CHD6: variants seen among roughly 807,000 people sequenced by gnomAD.
CHD6 encodes the protein chromodomain helicase DNA binding protein 6.
Under a neutral mutation model 276.9 loss-of-function variants are expected in CHD6, and 50 were observed. The observed-to-expected ratio is 0.18, with a 90% CI of 0.14 to 0.23. The LOEUF is 0.23. Among genes scored for constraint, CHD6 ranks in the 10% least tolerant of loss-of-function variants. The pLI, the probability that CHD6 is intolerant of heterozygous loss-of-function variation, is 1.00. For synonymous variants in CHD6, 1,173 were observed against 1,229.3 expected, an observed-to-expected ratio of 0.95 and a Z score of 0.96; for missense variants, 2,564 against 3,365.8, an observed-to-expected ratio of 0.76 and a Z score of 5.89.
rs902912218 is a variant in CHD6 at position 41,421,363 on chromosome 20, G to A, written c.5272C>T (p.Pro1758Ser). The change falls in exon 31 of 37, where the codon CCT becomes TCT. Residue 1758 changes from proline (P) to serine (S), a missense_variant. Pro to Ser is a moderately conservative substitution (Grantham distance 74). Around this residue, in one of 7 missense-constraint regions of CHD6, gnomAD observed 1,024 missense variants for 1,047.9 expected, o/e 0.98. Transcript: ENST00000373233. ...GCTTCTAAGCTACCCATAAAAGTAG[G>A]GCCAGAAGCTATTTCTGCCTCAGGG... ...GGPEAEIASGPTFMGSLEAGG... is the reference protein window; with the variant it reads ...GGPEAEIASGSTFMGSLEAGG... The A allele has an allele frequency of 6.2e-7, 1 of 1,613,898 alleles. No individual in the cohort carries two copies. The highest frequency in any genetic ancestry group is 1.3e-5 in the African/African-American group (1 of 75,010).
chr20:41,427,229 G>T (rs1184026697), intron 27 of CHD6, among the ~76,000 whole-genome samples: 1 of 151,520 alleles, frequency 6.6e-6, no homozygotes, highest in Non-Finnish European at 1.5e-5. Context: ...GGTAGGAAAG[G>T]AGACACCCAT....
At chr20:41,425,557 G>A (rs896383731) in intron 28 of CHD6, among the ~76,000 whole-genome samples, 163 bp from the exon 29 acceptor site, 3 of 152,206 alleles carry the variant, frequency 2.0e-5, no homozygotes, top group African/African-American at 4.8e-5. Flanking sequence ...TGGAAGGGCT[G>A]CAATTTTGCC....
intron 30 of CHD6, among the ~76,000 whole-genome samples, chr20:41,422,825 C>T (rs947253902): frequency 7.9e-5 from 12 of 152,230 alleles, no homozygotes; most frequent in African/African-American, 2.9e-4. Context: ...TGGATGACAA[C>T]ACTTTAGCCC....
intron 34 of CHD6, 141 bp downstream of exon 34, chr20:41,415,045 C>T: frequency 6.8e-7 from 1 of 1,459,894 alleles, no homozygotes; most frequent in Non-Finnish European, 9.1e-7. Flanking sequence ...AGATGGAGGG[C>T]ATCTTATAAT....
intron 1 of CHD6, among the ~76,000 whole-genome samples, chr20:41,567,100 G>A (rs1176045577): frequency 6.6e-6 from 1 of 152,138 alleles, no homozygotes; most frequent in Non-Finnish European, 1.5e-5. Context: ...GTTGGATGTT[G>A]TCATCTCTTC....
At position 41,520,630 on chromosome 20, in the gene CHD6, T is replaced by G. The variant is rs999637547; in HGVS notation, c.555-5678A>C. 1.2e-3 allele frequency among the ~76,000 whole-genome samples: 145 copies of G among 121,322 alleles called. 1 individual carries two copies. Among genetic ancestry groups the G allele is most frequent in the South Asian group, 8.3e-4 (3 of 3,608 alleles). The allele number at this position is 121,322 out of a possible 152,430, so 79.6% of individuals were successfully genotyped here. On this transcript the variant is annotated intron_variant, in intron 3 of 36. Coordinates refer to ENST00000373233, the MANE Select transcript of CHD6 (RefSeq NM_032221.5). ...GTGGGAACTGAACAATGAGAACACA[T>G]GGACACAGGAAGGGGAACATCACAC...
At chr20:41,490,161 G>A (rs976326315) in intron 11 of CHD6, 140 bp from the exon 12 acceptor site, 69 of 766,034 alleles carry the variant, frequency 9.0e-5, no homozygotes, top group Middle Eastern at 3.9e-4. Flanking sequence ...TTAAACTGAG[G>A]TTAGTTATTA....
At chr20:41,506,883 A>C (rs914296809) in intron 5 of CHD6, among the ~76,000 whole-genome samples, 3 of 152,252 alleles carry the variant, frequency 2.0e-5, no homozygotes, top group African/African-American at 7.2e-5. Context: ...ACTTCTGAAT[A>C]AATAATGTTA....
chr20:41,554,890 G>A (rs2045199301), intron 1 of CHD6, among the ~76,000 whole-genome samples: 2 of 152,196 alleles, frequency 1.3e-5, no homozygotes, highest in African/African-American at 4.8e-5. Context: ...TCAATGAGCT[G>A]TTGGGTACAC....
intron 2 of CHD6, among the ~76,000 whole-genome samples, 195 bp downstream of exon 2, chr20:41,551,110 C>T (rs894721999): frequency 1.3e-5 from 2 of 152,234 alleles, no homozygotes; most frequent in Non-Finnish European, 1.5e-5. Flanking sequence ...TTTACTCCTA[C>T]GTGAAGATGA....
intron 36 of CHD6, among the ~76,000 whole-genome samples, chr20:41,406,056 C>T (rs542606150): frequency 1.3e-5 from 2 of 152,118 alleles, no homozygotes; most frequent in African/African-American, 2.4e-5. Flanking sequence ...TTTAGAGTCA[C>T]GGAAAGTGAC....
chr20:41,467,415 G>T lies in CHD6; in HGVS notation c.2664+5907C>A, dbSNP rs866353320. Among the ~76,000 whole-genome samples the T allele has an allele frequency of 2.6e-5, 4 of 151,990 alleles. No individual in the cohort carries two copies. In the South Asian group the frequency reaches 8.3e-4, roughly 32 times the overall value. On this transcript the variant is annotated intron_variant, in intron 17 of 36. Coordinates refer to ENST00000373233, the MANE Select transcript of CHD6 (RefSeq NM_032221.5). ...ACCTTTGGAGTAAAACACAACTAGGGGGCAGTGGTGCTATAATCCCCCAGC... is the reference window on the plus strand; with the variant it reads ...ACCTTTGGAGTAAAACACAACTAGGTGGCAGTGGTGCTATAATCCCCCAGC...
intron 3 of CHD6, among the ~76,000 whole-genome samples, chr20:41,523,997 C>T (rs1424646649): frequency 6.6e-6 from 1 of 152,182 alleles, no homozygotes; most frequent in Non-Finnish European, 1.5e-5. Flanking sequence ...GTTACTACTA[C>T]AGCCACCGAA....
intron 1 of CHD6, among the ~76,000 whole-genome samples, chr20:41,605,281 G>A (rs569812974): frequency 3.3e-4 from 51 of 152,288 alleles, no homozygotes; most frequent in African/African-American, 1.2e-3. Context: ...TTTCAAGATA[G>A]AAAGGACTAT....
intron 15 of CHD6, among the ~76,000 whole-genome samples, chr20:41,483,977 C>CATT (rs2043354561): frequency 6.6e-6 from 1 of 152,226 alleles, no homozygotes; most frequent in South Asian, 2.1e-4. Flanking sequence ...GTTTTAATCT[C>CATT]ATTGCAGCAC....
At chr20:41,420,021 CCA>C (rs1291011839) in intron 31 of CHD6, among the ~76,000 whole-genome samples, 3 of 152,224 alleles carry the variant, frequency 2.0e-5, no homozygotes, top group African/African-American at 7.2e-5. Flanking sequence ...TGACCTTAAG[CCA>C]CACAGTTTTG....
chr20:41,442,764 T>G (rs1239726742), intron 25 of CHD6, among the ~76,000 whole-genome samples: 1 of 152,158 alleles, frequency 6.6e-6, no homozygotes, highest in Non-Finnish European at 1.5e-5. Context: ...GATGAGGACA[T>G]GTCTAAGCCT....
At chr20:41,550,894 C>T (rs756761118) in intron 2 of CHD6, among the ~76,000 whole-genome samples, 44 of 152,114 alleles carry the variant, frequency 2.9e-4, no homozygotes, top group Non-Finnish European at 6.0e-4. Context: ...TAGGGGGAAC[C>T]CATCCACAGA....
At chr20:41,451,561 G>A (rs1437953814) in intron 22 of CHD6, among the ~76,000 whole-genome samples, 2 of 152,194 alleles carry the variant, frequency 1.3e-5, no homozygotes, top group African/African-American at 2.4e-5. Flanking sequence ...TTCAGAGGGG[G>A]AGTCTGTGTG....
Sources: allele counts gnomAD v4.1 joint callset (sites outside exome capture counted in the v4.1 genomes callset), GRCh38; gene constraint gnomAD v4.1.1; regional missense constraint gnomAD v4.1.1; transcripts MANE v1.5; gene names NCBI Gene and HGNC (gene_info 2026-07-23, HGNC 2026-07-21).